Variants in C8orf34 observed in about 807,000 individuals in gnomAD.
C8orf34 encodes chromosome 8 open reading frame 34.
C8orf34 carries 65 observed loss-of-function variants against 68.3 expected under a neutral mutation model. The ratio of observed to expected loss-of-function variants is 0.95; its 90% CI spans 0.78 to 1.17. The LOEUF is 1.17. Ranked by LOEUF, C8orf34 falls within the 50% of genes most tolerant of loss-of-function variation. C8orf34 has a pLI of 0.00. For missense variants in C8orf34, 664 were observed against 655.4 expected (o/e 1.01, Z -0.14); for synonymous variants, 244 against 241.2 (o/e 1.01, Z -0.11).
intron 10 of C8orf34, among the ~76,000 whole-genome samples, chr8:68,744,019 G>A (rs1822392839): frequency 1.3e-5 from 2 of 152,120 alleles, no homozygotes; most frequent in Admixed American, 1.3e-4. Flanking sequence ...GGTTCTCCCA[G>A]CATGCAGCTG....
At chr8:68,441,629 G>A (rs982095262) in intron 2 of C8orf34, among the ~76,000 whole-genome samples, 1 of 152,108 alleles carries the variant, frequency 6.6e-6, no homozygotes, top group South Asian at 2.1e-4. Flanking sequence ...CTCCCAAAGT[G>A]CTGGGATTAC....
At chr8:68,743,819 C>A (rs1178742364) in intron 10 of C8orf34, among the ~76,000 whole-genome samples, 2 of 152,238 alleles carry the variant, frequency 1.3e-5, no homozygotes, top group East Asian at 1.9e-4. Flanking sequence ...GGGCGCCCAC[C>A]ATTGCCCAGG....
chr8:68,624,494 A>G (rs1191876511), intron 7 of C8orf34, among the ~76,000 whole-genome samples: 1 of 152,164 alleles, frequency 6.6e-6, no homozygotes, highest in Non-Finnish European at 1.5e-5. Context: ...TCAAACTTCA[A>G]TTCTTGTCTC....
intron 5 of C8orf34, among the ~76,000 whole-genome samples, chr8:68,491,476 CTCACCTTT>C (rs964541390): frequency 1.3e-5 from 2 of 152,096 alleles, no homozygotes; most frequent in African/African-American, 4.8e-5. Flanking sequence ...AATCTGTTTG[CTCACCTTT>C]TCAAGCTTCT....
At chr8:68,468,886 T>G in intron 4 of C8orf34, 66 bp downstream of exon 4, 1 of 1,529,256 alleles carries the variant, frequency 6.5e-7, no homozygotes, top group Non-Finnish European at 8.9e-7. Flanking sequence ...CATTCATTAC[T>G]TGTGCCAATA....
At chr8:68,418,260 T>C (rs1201666261) in intron 1 of C8orf34, among the ~76,000 whole-genome samples, 5 of 142,854 alleles carry the variant, frequency 3.5e-5, no homozygotes, top group African/African-American at 5.3e-5. Context: ...TTTGACTTCC[T>C]CTTTTCCTAA....
intron 1 of C8orf34, among the ~76,000 whole-genome samples, chr8:68,367,830 C>T (rs1392992964): frequency 8.0e-6 from 1 of 125,228 alleles, no homozygotes; most frequent in Non-Finnish European, 1.6e-5. Context: ...AGCGCACCAG[C>T]ATGGCACATG....
chr8:68,603,420 C>A (rs1280673488), intron 7 of C8orf34, among the ~76,000 whole-genome samples: 1 of 151,714 alleles, frequency 6.6e-6, no homozygotes, highest in African/African-American at 2.4e-5. Context: ...TATAACTGTC[C>A]CAAACTGAAA....
Position 68,366,712 on chromosome 8 carries a change from T to G in C8orf34, c.327+35373T>G, listed in dbSNP as rs1280056273. Among the ~76,000 whole-genome samples, 4 of 143,434 alleles carry G rather than the reference T, an allele frequency of 2.8e-5. No individual in the cohort carries two copies. In the East Asian group the frequency reaches 9.3e-4, roughly 33 times the overall value. The allele number at this position is 143,434 out of a possible 152,430, so 94.1% of individuals were successfully genotyped here. Reference sequence around the variant, plus strand: ...CTAGCCATATGTAGAAAGCTGAAACTGGATCCCTTCCTTACACCTTATACA... The same window carrying G: ...CTAGCCATATGTAGAAAGCTGAAACGGGATCCCTTCCTTACACCTTATACA... On this transcript the variant is annotated intron_variant, in intron 1 of 13. Coordinates refer to ENST00000518698, the MANE Select transcript of C8orf34 (RefSeq NM_052958.4).
intron 1 of C8orf34, among the ~76,000 whole-genome samples, chr8:68,385,080 T>C (rs995207991): frequency 6.6e-6 from 1 of 152,350 alleles, no homozygotes; most frequent in Middle Eastern, 3.4e-3. Context: ...ACAACTTGAA[T>C]TGAGGTCACA....
At chr8:68,748,455 C>A (rs918511023) in intron 10 of C8orf34, among the ~76,000 whole-genome samples, 13 of 149,876 alleles carry the variant, frequency 8.7e-5, no homozygotes, top group African/African-American at 3.2e-4. Context: ...AGGCAACCTA[C>A]AAAATGGGAG....
intron 3 of C8orf34, among the ~76,000 whole-genome samples, chr8:68,449,581 T>G (rs1462084134): frequency 1.3e-5 from 2 of 152,038 alleles, no homozygotes; most frequent in Admixed American, 1.3e-4. Flanking sequence ...GTCGCACAAT[T>G]TTTTTTGTTT....
At chr8:68,420,949 T>G (rs1215216887) in intron 1 of C8orf34, among the ~76,000 whole-genome samples, 2 of 151,126 alleles carry the variant, frequency 1.3e-5, no homozygotes, top group East Asian at 1.9e-4. Context: ...AAAATTTAAC[T>G]GAGGTCCCAG....
chr8:68,797,999 A>C (rs1286747270), intron 12 of C8orf34, among the ~76,000 whole-genome samples: 1 of 152,242 alleles, frequency 6.6e-6, no homozygotes, highest in African/African-American at 2.4e-5. Context: ...CAATAGTAGT[A>C]CAATAAAAAC....
intron 3 of C8orf34, among the ~76,000 whole-genome samples, chr8:68,467,568 A>G (rs1185559564): frequency 6.6e-6 from 1 of 151,916 alleles, no homozygotes; most frequent in African/African-American, 2.4e-5. Context: ...TATCTTCCCG[A>G]GAATTCCCTG....
intron 5 of C8orf34, among the ~76,000 whole-genome samples, chr8:68,497,605 C>A (rs113797000): frequency 2.6e-5 from 4 of 151,876 alleles, no homozygotes; most frequent in African/African-American, 7.3e-5. Flanking sequence ...AGTAGAAAAA[C>A]CAAAATGTCC....
chr8:68,520,665 G>A (rs1052522085), intron 5 of C8orf34, among the ~76,000 whole-genome samples: 14 of 146,974 alleles, frequency 9.5e-5, no homozygotes, highest in Non-Finnish European at 1.5e-4. Flanking sequence ...GGGTTTCACC[G>A]TGTTAGCCAG....
At chr8:68,658,694 G>T (rs1194559321) in intron 8 of C8orf34, among the ~76,000 whole-genome samples, 1 of 151,826 alleles carries the variant, frequency 6.6e-6, no homozygotes, top group Non-Finnish European at 1.5e-5. Context: ...TGATAGTTTT[G>T]AATCTTTTTT....
Position 68,592,469 on chromosome 8 carries a change from TTA to T in C8orf34, c.1106-47904_1106-47903del, listed in dbSNP as rs1195522026. ...CAGCATAGAGGGATGGTTTTGAGTT[TTA>T]TAAGTTAATATTTTATCTTATAAGC... On this transcript the variant is annotated intron_variant, in intron 7 of 13. Transcript: ENST00000518698. Among the ~76,000 whole-genome samples the T allele has an allele frequency of 2.0e-5, 3 of 152,112 alleles. No individual in the cohort carries two copies. The East Asian group carries it at 5.8e-4, about 29-fold the overall frequency.
Sources: gnomAD v4.1 joint callset for allele counts (sites outside exome capture counted in the v4.1 genomes callset) on GRCh38, gnomAD v4.1.1 for gene constraint, MANE v1.5 for transcripts, NCBI Gene and HGNC (gene_info 2026-07-23, HGNC 2026-07-21) for gene names.